COL6A5: variants seen among roughly 807,000 people sequenced by gnomAD.
The protein encoded by COL6A5 is collagen alpha-5(VI) chain.
A neutral mutation model predicts 65.6 loss-of-function variants in COL6A5; 48 were observed. The observed-to-expected ratio is 0.73, with a 90% CI of 0.58 to 0.93. COL6A5 has a LOEUF of 0.93. Ranked by LOEUF, COL6A5 falls within the 40% of genes least tolerant of loss-of-function variation. COL6A5 has a pLI of 0.00. For missense variants in COL6A5, 914 were observed against 928.3 expected, an observed-to-expected ratio of 0.98 and a Z score of 0.20; for synonymous variants, 291 against 322.8, an observed-to-expected ratio of 0.90 and a Z score of 1.05.
At position 130,394,327 on chromosome 3, in the gene COL6A5, C is replaced by G. The variant is rs547172871; in HGVS notation, c.2993-563C>G. Among the ~76,000 whole-genome samples the G allele has an allele frequency of 7.9e-5, 12 of 152,270 alleles. No homozygotes were observed. In the South Asian group the frequency reaches 2.3e-3, roughly 29 times the overall value. ...AGCTCCACTCCATAGTAACTGTGTGCTCTTAGGCGAGTCACTTAGCCTCTG... is the reference window on the plus strand; with the variant it reads ...AGCTCCACTCCATAGTAACTGTGTGGTCTTAGGCGAGTCACTTAGCCTCTG... On this transcript the variant is annotated intron_variant and NMD_transcript_variant, in intron 7 of 41. Transcript: ENST00000312481.
chr3:130,452,994 G>A (rs1225768626), intron 4 of COL6A5, among the ~76,000 whole-genome samples: 1 of 152,194 alleles, frequency 6.6e-6, no homozygotes, highest in Non-Finnish European at 1.5e-5. Context: ...AGTGGTCAGA[G>A]TTTAAGGTTA....
At chr3:130,377,242 A>G (rs1184556829) in intron 3 of COL6A5, among the ~76,000 whole-genome samples, 1 of 152,174 alleles carries the variant, frequency 6.6e-6, no homozygotes, top group East Asian at 1.9e-4. Context: ...CAGGTAGCAC[A>G]TGAGGGCAGG....
chr3:130,376,768 A>T, exon 3 of COL6A5: 2 of 1,613,708 alleles, frequency 1.2e-6, no homozygotes, highest in Non-Finnish European at 1.7e-6. Flanking sequence ...ACATTTTCCC[A>T]AAACATGACA....
chr3:130,417,125 C>T (rs1360405030), intron 24 of COL6A5, among the ~76,000 whole-genome samples: 1 of 151,924 alleles, frequency 6.6e-6, no homozygotes, highest in Non-Finnish European at 1.5e-5. Flanking sequence ...TGATGTTCCC[C>T]TCTCTGTGTC....
rs1409038407 is a variant in COL6A5 at position 130,431,976 on chromosome 3, T to C, written c.487+27T>C. 2.6e-6 allele frequency: 4 copies of C among 1,543,384 alleles called. No individual in the cohort carries two copies. The African/African-American group carries it at 5.5e-5, about 21-fold the overall frequency. On this transcript the variant is annotated intron_variant, in intron 1 of 7. Transcript: ENST00000512836. The stretch of plus-strand genomic sequence containing the variant: ...TAAGAATTTCTCTTGGCAACTTCTT[T>C]AATTTTAAGATAGAGGTAGGTATTG...
intron 7 of COL6A5, among the ~76,000 whole-genome samples, chr3:130,473,562 GGTC>G (rs1710013115): frequency 6.6e-6 from 1 of 151,988 alleles, no homozygotes; most frequent in Non-Finnish European, 1.5e-5. Flanking sequence ...AAAGAGTCAG[GGTC>G]ATGATTAACT....
At chr3:130,417,748 C>T (rs1470784743) in intron 24 of COL6A5, among the ~76,000 whole-genome samples, 1 of 152,154 alleles carries the variant, frequency 6.6e-6, no homozygotes, top group Non-Finnish European at 1.5e-5. Context: ...GTGACCTGTG[C>T]AGCCACACAG....
chr3:130,429,069 TCAAA>T (rs1294827227), upstream of COL6A5, among the ~76,000 whole-genome samples: 2 of 152,082 alleles, frequency 1.3e-5, no homozygotes, highest in Non-Finnish European at 2.9e-5. Flanking sequence ...TGGAGATCAC[TCAAA>T]CAGAGGAGCT....
rs1290502663 is a variant in COL6A5, at chr3:130,395,477, T to C, written c.3568+12T>C. On this transcript the variant is annotated intron_variant and NMD_transcript_variant, in intron 8 of 41. Coordinates refer to the COL6A5 transcript ENST00000312481. ...CTGTGGGAAAACCAGTAAGTGCTTC[T>C]TGTTTGGTTTTCTTCCATGGAAACT... 9.2e-6 allele frequency: 14 copies of C among 1,526,162 alleles called. No individual in the cohort carries two copies. The African/African-American group carries it at 1.5e-4, about 17-fold the overall frequency. 94.5% of individuals were successfully genotyped at this position (1,526,162 alleles called of 1,614,324 possible).
At chr3:130,483,079 G>T (rs3104297) in intron 7 of COL6A5, among the ~76,000 whole-genome samples, 1 of 151,954 alleles carries the variant, frequency 6.6e-6, no homozygotes, top group Admixed American at 6.6e-5. Context: ...ATTCAACATT[G>T]TTAAAGAAAA....
chr3:130,464,767 G>A (rs542698028), intron 5 of COL6A5, among the ~76,000 whole-genome samples: 1 of 152,154 alleles, frequency 6.6e-6, no homozygotes, highest in East Asian at 1.9e-4. Flanking sequence ...GTTTGCCACT[G>A]GGTTCCTGGT....
exon 1 of COL6A5, chr3:130,345,953 G>A (rs1577411057): frequency 7.5e-6 from 3 of 398,700 alleles, no homozygotes; most frequent in Admixed American, 4.4e-5. Flanking sequence ...TCCAGGGTCC[G>A]GAGTGTCCCC....
intron 1 of COL6A5, among the ~76,000 whole-genome samples, chr3:130,365,802 T>A (rs1935314314): frequency 2.0e-5 from 3 of 152,140 alleles, no homozygotes. Context: ...TTTAAAAAAA[T>A]CCCAGTGTTC....
intron 1 of COL6A5, among the ~76,000 whole-genome samples, chr3:130,356,825 G>C (rs1029951912): frequency 6.6e-6 from 1 of 152,142 alleles, no homozygotes; most frequent in East Asian, 1.9e-4. Flanking sequence ...TGATGAGCAG[G>C]CTTGCATGTC....
chr3:130,370,589 T>C (rs930121351), intron 1 of COL6A5, among the ~76,000 whole-genome samples: 10 of 152,208 alleles, frequency 6.6e-5, no homozygotes, highest in African/African-American at 9.7e-5. Context: ...AAGAAAATTA[T>C]TCATTTCAGA....
chr3:130,395,277 T>TA (rs1936555264), exon 8 of COL6A5: 1 of 1,551,528 alleles, frequency 6.4e-7, no homozygotes, highest in Non-Finnish European at 8.7e-7. Flanking sequence ...GCAGATGCAG[T>TA]AAAAACCCTG....
chr3:130,431,245 C>T (rs1211083806), upstream of COL6A5: 29 of 692,326 alleles, frequency 4.2e-5, no homozygotes, highest in East Asian at 5.8e-4. Context: ...GAAGTCTGAG[C>T]ATTATATAGC....
At chr3:130,482,995 A>C (rs1272407074) in intron 7 of COL6A5, among the ~76,000 whole-genome samples, 13 of 152,190 alleles carry the variant, frequency 8.5e-5, no homozygotes, top group Admixed American at 8.5e-4. Context: ...GGTTACCCAC[A>C]AAGGGAAGCC....
chr3:130,346,252 C>A (rs1934469955), intron 1 of COL6A5, among the ~76,000 whole-genome samples: 1 of 152,106 alleles, frequency 6.6e-6, no homozygotes, highest in South Asian at 2.1e-4. Context: ...AATGCAAATT[C>A]CTGGACCCCA....
Sources: allele counts gnomAD v4.1 joint callset (sites outside exome capture counted in the v4.1 genomes callset), GRCh38; gene constraint gnomAD v4.1.1; transcripts MANE v1.5; gene names NCBI Gene and HGNC (gene_info 2026-07-23, HGNC 2026-07-21).